TUB: variants seen among roughly 807,000 people sequenced by gnomAD.
The protein encoded by TUB is TUB bipartite transcription factor.
In TUB, 33 loss-of-function variants were observed where a neutral mutation model predicts 59.7. The ratio of observed to expected loss-of-function variants is 0.55; its 90% confidence interval spans 0.42 to 0.74. TUB has a LOEUF of 0.74. TUB is among the 30% of genes least tolerant of loss of function. The pLI, the probability that TUB is intolerant of heterozygous loss-of-function variation, is 0.00. For synonymous variants in TUB, 293 were observed against 256.4 expected (o/e 1.14, Z -1.36); for missense variants, 659 against 672.0 (o/e 0.98, Z 0.21).
intron 9 of TUB, among the ~76,000 whole-genome samples, chr11:8,099,820 A>C (rs1435458950): frequency 6.6e-6 from 1 of 152,202 alleles, no homozygotes; most frequent in Non-Finnish European, 1.5e-5. Flanking sequence ...ACAGCAGTGT[A>C]CGTGTCTAGG....
Position 8,105,537 on chromosome 11 carries a change from A to C in TUB, c.*3918A>C, listed in dbSNP as rs1186359131. 6.6e-6 allele frequency: 1 copy of C among 152,240 alleles called. No individual in the cohort carries two copies. Among genetic ancestry groups the C allele is most frequent in the East Asian group, 1.9e-4 (1 of 5,206 alleles). 9.4% of individuals were successfully genotyped at this position (152,240 alleles called of 1,614,324 possible). On this transcript the variant is annotated 3_prime_UTR_variant, in exon 12 of 12. Transcript: ENST00000299506. ...CCAAGTGGAAAGGCAAGTTGGTCTT[A>C]TAGAAAGCACTACTGCACTTAGTAG...
Position 8,070,806 on chromosome 11 carries a change from C to T in TUB, c.204-18804C>T, listed in dbSNP as rs544845037. ...AAAAGCATACCAGTATAGCTACAGA[C>T]CAGAAACTTCATTGCTTTGTAGGAA... On this transcript the variant is annotated intron_variant, in intron 2 of 12. Coordinates refer to the TUB transcript ENST00000305253. Among the ~76,000 whole-genome samples, 5 of 152,258 alleles carry T rather than the reference C, an allele frequency of 3.3e-5. 1 individual carries two copies. In the South Asian group the frequency reaches 1.0e-3, roughly 32 times the overall value.
chr11:8,046,629 C>T (rs1942837670), intron 2 of TUB, among the ~76,000 whole-genome samples: 1 of 152,190 alleles, frequency 6.6e-6, no homozygotes, highest in Admixed American at 6.5e-5. Context: ...CTCTGACCAC[C>T]AGATTACCTA....
At chr11:8,081,858 A>G (rs996650631) in intron 1 of TUB, among the ~76,000 whole-genome samples, 5 of 152,226 alleles carry the variant, frequency 3.3e-5, no homozygotes, top group African/African-American at 1.2e-4. Context: ...TCCTAGGCCC[A>G]GAACCCCAGT....
chr11:8,037,717 G>A (rs533235484), upstream of TUB, among the ~76,000 whole-genome samples: 9 of 152,292 alleles, frequency 5.9e-5, no homozygotes, highest in East Asian at 1.9e-4. Flanking sequence ...TTAAAGCCAG[G>A]GCCTGGTAGT....
intron 8 of TUB, among the ~76,000 whole-genome samples, 165 bp from the exon 9 acceptor site, chr11:8,098,593 G>A (rs554408388): frequency 6.8e-4 from 104 of 152,292 alleles, no homozygotes; most frequent in African/African-American, 2.3e-3. Context: ...TTCTGCCCAC[G>A]AAGTGTCTTC....
At position 8,085,591 on chromosome 11, in the gene TUB, C is replaced by T. The variant is rs113303074; in HGVS notation, c.39-4019C>T. 2.9e-3 allele frequency among the ~76,000 whole-genome samples: 443 copies of T among 152,310 alleles called. 4 individuals carry two copies. Among genetic ancestry groups the T allele is most frequent in the African/African-American group, 0.01 (424 of 41,568 alleles). On this transcript the variant is annotated intron_variant, in intron 1 of 11. Coordinates refer to ENST00000299506, the MANE Select transcript of TUB (RefSeq NM_177972.3). ...TGGTGGCCTTTCCTCTCCTGACAGC[C>T]CACATCTGTGATTTCCTGGGTCCAG...
intron 2 of TUB, among the ~76,000 whole-genome samples, chr11:8,057,277 C>G (rs940157334): frequency 5.3e-5 from 8 of 152,194 alleles, no homozygotes; most frequent in South Asian, 4.1e-4. Context: ...CACAGTTACT[C>G]GCGCCTGTAA....
intron 2 of TUB, among the ~76,000 whole-genome samples, chr11:8,047,717 G>A (rs76988047): frequency 0.021 from 3,226 of 152,272 alleles, 48 homozygotes; most frequent in South Asian, 0.047. Flanking sequence ...GTTTCAAAGG[G>A]ATCCCTGATG....
intron 7 of TUB, 141 bp from the exon 8 acceptor site, chr11:8,097,571 TTG>T (rs1205194026): frequency 4.3e-5 from 57 of 1,337,646 alleles, no homozygotes; most frequent in Non-Finnish European, 5.2e-5. Flanking sequence ...GTGCACATCT[TTG>T]TGTTTTCCAG....
chr11:8,071,815 G>A (rs901400001), intron 2 of TUB, among the ~76,000 whole-genome samples: 5 of 152,218 alleles, frequency 3.3e-5, no homozygotes, highest in Non-Finnish European at 7.3e-5. Flanking sequence ...ACAGTGGCCC[G>A]AGGCCCCTCC....
chr11:8,037,124 T>C (rs1589924742), upstream of TUB, among the ~76,000 whole-genome samples: 1 of 152,146 alleles, frequency 6.6e-6, no homozygotes. Context: ...CAGTTGCAGG[T>C]GCATGCACAC....
At chr11:8,035,001 C>T (rs1203692438), upstream of TUB, among the ~76,000 whole-genome samples, 1 of 152,242 alleles carries the variant, frequency 6.6e-6, no homozygotes, top group African/African-American at 2.4e-5. Context: ...CTCCTTGTCG[C>T]ATGATGCGTT....
intron 1 of TUB, among the ~76,000 whole-genome samples, chr11:8,086,819 C>G (rs981355806): frequency 6.6e-6 from 1 of 152,158 alleles, no homozygotes; most frequent in Non-Finnish European, 1.5e-5. Context: ...AGGTGGCTCT[C>G]TAGGTACTTT....
intron 2 of TUB, chr11:8,068,502 C>G (rs545352780): frequency 5.2e-4 from 80 of 152,452 alleles, no homozygotes; most frequent in African/African-American, 1.9e-3. Flanking sequence ...TTCCCCAGTC[C>G]CATATAACCT....
At chr11:8,082,367 G>C (rs1943585738) in intron 1 of TUB, among the ~76,000 whole-genome samples, 2 of 152,178 alleles carry the variant, frequency 1.3e-5, no homozygotes, top group South Asian at 2.1e-4. Context: ...GCCTGGGAAG[G>C]GGGCGGGGAG....
chr11:8,022,117 G>A (rs1042303965), intron 1 of TUB, among the ~76,000 whole-genome samples: 2 of 152,130 alleles, frequency 1.3e-5, no homozygotes, highest in African/African-American at 4.8e-5. Flanking sequence ...TGGGCTCAAT[G>A]TTTGTTTAAA....
In TUB at chr11:8,040,398, G is replaced by A. The variant is rs1024358104; in HGVS notation, c.203+706G>A. Among the ~76,000 whole-genome samples, 11 of 152,096 alleles carry A rather than the reference G, an allele frequency of 7.2e-5. No individual in the cohort carries two copies. The East Asian group carries it at 9.6e-4, about 13-fold the overall frequency. On this transcript the variant is annotated intron_variant, in intron 2 of 12. Coordinates refer to the TUB transcript ENST00000305253. ...GCTGGGCGTCCCCAACACCTGGGAA[G>A]TCTGTCTGTCCTTCCAAGGGACCAG...
Position 8,081,219 on chromosome 11 carries a change from C to A in TUB, c.-292C>A. On this transcript the variant is annotated 5_prime_UTR_variant, in exon 1 of 12. Transcript: ENST00000299506. ...CGCCGCTGCCACGCAGTACTCCCGCCTTGGCGCCAGAGGGGCGCGGGACGG... is the reference window on the plus strand; with the variant it reads ...CGCCGCTGCCACGCAGTACTCCCGCATTGGCGCCAGAGGGGCGCGGGACGG... 3.8e-6 allele frequency: 1 copy of A among 261,862 alleles called. No individual in the cohort carries two copies. The highest frequency in any genetic ancestry group is 2.3e-5 in the African/African-American group (1 of 43,502). The allele number at this position is 261,862 out of a possible 1,614,324, so 16.2% of individuals were successfully genotyped here. A position where few individuals can be genotyped will look rare whatever the true frequency, so the allele number is the denominator to read the frequency against.
Sources: allele counts gnomAD v4.1 joint callset (sites outside exome capture counted in the v4.1 genomes callset), GRCh38; gene constraint gnomAD v4.1.1; transcripts MANE v1.5; gene names NCBI Gene and HGNC (gene_info 2026-07-23, HGNC 2026-07-21).